ZNF525: variants seen among roughly 807,000 people sequenced by gnomAD.
The protein encoded by ZNF525 is zinc finger protein 525.
Under a neutral mutation model 37.6 loss-of-function variants are expected in ZNF525, and 33 were observed. That is an observed-to-expected ratio of 0.88 (90% CI 0.67 to 1.17). The LOEUF is 1.17. Ranked by LOEUF, ZNF525 falls within the 50% of genes most tolerant of loss-of-function variation. The pLI, the probability that ZNF525 is intolerant of heterozygous loss-of-function variation, is 0.00. For missense variants in ZNF525, 449 were observed against 543.1 expected, an observed-to-expected ratio of 0.83 and a Z score of 1.72; for synonymous variants, 170 against 182.3, an observed-to-expected ratio of 0.93 and a Z score of 0.54.
rs150379067 is a variant in ZNF525, at chr19:53,376,099, C to A, written c.142+203C>A. ...TCGTAGTGGTACAGGTGCATGCCAC[C>A]ATGCCAGGATACTTTTTTAGTTTCT... On this transcript the variant is annotated intron_variant, in intron 3 of 3. Coordinates refer to ENST00000474037, the MANE Select transcript of ZNF525 (RefSeq NM_001348156.2). 1,002 of 1,169,408 alleles carry A rather than the reference C, an allele frequency of 8.6e-4. 4 individuals are homozygous for A. In the African/African-American group the frequency reaches 0.013, roughly 16 times the overall value. 72.4% of individuals were successfully genotyped at this position (1,169,408 alleles called of 1,614,324 possible).
At chr19:53,367,228 T>C (rs1045347134) in intron 1 of ZNF525, among the ~76,000 whole-genome samples, 35 of 152,332 alleles carry the variant, frequency 2.3e-4, no homozygotes, top group African/African-American at 4.6e-4. Context: ...TAACTGTTCT[T>C]GAAGTGAGCT....
chr19:53,367,324 T>C (rs866975667), intron 1 of ZNF525, among the ~76,000 whole-genome samples: 1 of 151,068 alleles, frequency 6.6e-6, no homozygotes, highest in Non-Finnish European at 1.5e-5. Flanking sequence ...TTTTTTTTTT[T>C]AAATTTCTGC....
rs779312372 is a variant in ZNF525, at chr19:53,381,485, A to G, written c.906A>G (p.Glu302=). Residue 302 remains glutamate, a synonymous_variant, in exon 4 of 4, where the codon GAA becomes GAG. Transcript: ENST00000474037. Reference sequence around the variant, plus strand: ...CTGGAGAGAAACCTTACAAATGTGAAGAATGTGACAAAGCTTTCAGACACA... The same window carrying G: ...CTGGAGAGAAACCTTACAAATGTGAGGAATGTGACAAAGCTTTCAGACACA... ...LHTGEKPYKC[E]ECDKAFRHNS... 3 of 1,388,708 alleles carry G rather than the reference A, an allele frequency of 2.2e-6. No individual in the cohort carries two copies. The highest frequency in any genetic ancestry group is 3.1e-6 in the Non-Finnish European group (3 of 974,734). 86.0% of individuals were successfully genotyped at this position (1,388,708 alleles called of 1,614,324 possible). A position where few individuals can be genotyped will look rare whatever the true frequency, so the allele number is the denominator to read the frequency against.
In ZNF525 at chr19:53,381,196, A is replaced by C. The variant is rs773058648; in HGVS notation, c.617A>C (p.Gln206Pro). ...FLNYSLLTQR[Q>P]EVRMREKSFQ... ...AATTATTCATTACTCACACAAAGAC[A>C]GGAAGTACGCATGAGAGAAAAATCT... Residue 206 changes from glutamine to proline, a missense_variant, in exon 4 of 4, where the codon CAG becomes CCG. Gln to Pro is a moderately conservative substitution (Grantham distance 76). This residue lies in a region of ZNF525 where 271 missense variants were observed against 381.6 expected (regional missense o/e 0.71). Transcript: ENST00000474037. 5 of 1,346,772 alleles carry C rather than the reference A, an allele frequency of 3.7e-6. No homozygotes were observed. In the South Asian group the frequency reaches 5.8e-5, roughly 16 times the overall value. The allele number at this position is 1,346,772 out of a possible 1,614,324, so 83.4% of individuals were successfully genotyped here. A position where few individuals can be genotyped will look rare whatever the true frequency, so the allele number is the denominator to read the frequency against.
chr19:53,372,399 T>G, intron 2 of ZNF525, 103 bp downstream of exon 2: 1 of 739,438 alleles, frequency 1.4e-6, no homozygotes, highest in Admixed American at 1.9e-5. Flanking sequence ...CCTGACAGGT[T>G]TGCTCACATT....
chr19:53,376,688 C>G (rs1251402874), intron 3 of ZNF525, among the ~76,000 whole-genome samples: 1 of 152,170 alleles, frequency 6.6e-6, no homozygotes, highest in Non-Finnish European at 1.5e-5. Context: ...TCAAACAATT[C>G]TTGTGCCCCA....
chr19:53,382,032 C>G lies in ZNF525; in HGVS notation c.*13C>G. ...CAGTTTCAAATAAAATCTTGAAATA[C>G]GTCAGAAAATTCATACTGGAGAGAA... On this transcript the variant is annotated 3_prime_UTR_variant, in exon 4 of 4. Transcript: ENST00000474037. 2 of 1,304,012 alleles carry G rather than the reference C, an allele frequency of 1.5e-6. No individual in the cohort carries two copies. The highest frequency in any genetic ancestry group is 2.2e-6 in the Non-Finnish European group (2 of 914,408). 80.8% of individuals were successfully genotyped at this position (1,304,012 alleles called of 1,614,324 possible).
chr19:53,386,056 T>C lies in ZNF525; in HGVS notation c.*4037T>C. On this transcript the variant is annotated 3_prime_UTR_variant, in exon 4 of 4. Transcript: ENST00000474037. ...CTGTAATCCCAGCTACTCAGGAGGCTGAGGCAGGGGAATCTCTTGAACCCA... is the reference window on the plus strand; with the variant it reads ...CTGTAATCCCAGCTACTCAGGAGGCCGAGGCAGGGGAATCTCTTGAACCCA... The C allele has an allele frequency of 6.2e-6, 2 of 323,124 alleles. No homozygotes were observed. Among genetic ancestry groups the C allele is most frequent in the South Asian group, 5.4e-5 (2 of 37,324 alleles). The allele number at this position is 323,124 out of a possible 1,614,324, so 20.0% of individuals were successfully genotyped here. A position where few individuals can be genotyped will look rare whatever the true frequency, so the allele number is the denominator to read the frequency against.
chr19:53,366,197 A>C (rs74178321), intron 1 of ZNF525, among the ~76,000 whole-genome samples: 18,038 of 93,028 alleles, frequency 0.19, 3,227 homozygotes, highest in Non-Finnish European at 0.33. Context: ...CCCTTGTCTT[A>C]AGGCGCCGTC....
At chr19:53,377,249 G>A (rs2085528808) in intron 3 of ZNF525, among the ~76,000 whole-genome samples, 1 of 152,098 alleles carries the variant, frequency 6.6e-6, no homozygotes, top group Non-Finnish European at 1.5e-5. Flanking sequence ...ACAATCTCGG[G>A]TCACTGCAAC....
intron 1 of ZNF525, among the ~76,000 whole-genome samples, chr19:53,367,052 C>T (rs2147061649): frequency 6.6e-6 from 1 of 152,232 alleles, no homozygotes; most frequent in South Asian, 2.1e-4. Flanking sequence ...TATAGCATAG[C>T]ATAACTTGTG....
rs2073878743 is a variant in ZNF525 at position 53,381,131 on chromosome 19, C to T, written c.552C>T (p.Pro184=). 2.1e-6 allele frequency: 3 copies of T among 1,401,264 alleles called. No homozygotes were observed. Among genetic ancestry groups the T allele is most frequent in the South Asian group, 2.3e-5 (2 of 86,520 alleles). 86.8% of individuals were successfully genotyped at this position (1,401,264 alleles called of 1,614,324 possible). Residue 184 remains proline, a synonymous_variant, in exon 4 of 4, where the codon CCC becomes CCT. Coordinates refer to ENST00000474037, the MANE Select transcript of ZNF525 (RefSeq NM_001348156.2). ...CAGCCCAAAGAATTTCTTGTAGGCC[C>T]AAAACCCATATATCTAATAACTATG... The part of the protein sequence containing the change: ...VSTAQRISCR[P]KTHISNNYGD...
chr19:53,372,823 A>G lies in ZNF525; in HGVS notation c.15+527A>G, dbSNP rs1001530035. On this transcript the variant is annotated intron_variant, in intron 2 of 3. Transcript: ENST00000474037. The stretch of plus-strand genomic sequence containing the variant: ...TAGAATGGAAAGTTCATACACAGAC[A>G]TGAATGATACAAGATGTTTGATTCC... 3.9e-5 allele frequency among the ~76,000 whole-genome samples: 6 copies of G among 152,252 alleles called. No individual in the cohort carries two copies. In the East Asian group the frequency reaches 1.2e-3, roughly 29 times the overall value.
rs1393353208 is a variant in ZNF525, at chr19:53,384,431, C to T, written c.*2412C>T. 1 of 156,736 alleles carries T rather than the reference C, an allele frequency of 6.4e-6. No homozygotes were observed. Among genetic ancestry groups the T allele is most frequent in the East Asian group, 1.9e-4 (1 of 5,278 alleles). The allele number at this position is 156,736 out of a possible 1,614,324, so 9.7% of individuals were successfully genotyped here. On this transcript the variant is annotated 3_prime_UTR_variant, in exon 4 of 4. Transcript: ENST00000474037. ...ATTTAACATATTAATTTTTCCAAAC[C>T]ATCAATATGGGTTGTGTCTCTATAT...
intron 3 of ZNF525, among the ~76,000 whole-genome samples, chr19:53,377,105 A>G (rs900603548): frequency 2.0e-5 from 3 of 152,242 alleles, no homozygotes; most frequent in Admixed American, 1.3e-4. Context: ...TTTTCTTCTA[A>G]ATAATAGGAA....
At chr19:53,371,664 T>A (rs918835728) in intron 1 of ZNF525, among the ~76,000 whole-genome samples, 1 of 152,146 alleles carries the variant, frequency 6.6e-6, no homozygotes, top group Non-Finnish European at 1.5e-5. Context: ...CCACTGTGAC[T>A]GGCTCAATTT....
At chr19:53,376,192 C>T in intron 3 of ZNF525, 1 of 738,626 alleles carries the variant, frequency 1.4e-6, no homozygotes, top group Non-Finnish European at 2.4e-6. Context: ...AAGACATCCT[C>T]CTCGGCCTCC....
chr19:53,382,206 A>G lies in ZNF525; in HGVS notation c.*187A>G. On this transcript the variant is annotated 3_prime_UTR_variant, in exon 4 of 4. Transcript: ENST00000474037. The stretch of plus-strand genomic sequence containing the variant: ...CAAATCAAACCTTGAAAGACATAGG[A>G]GAATTCACACTGGTGAGAAACCTTA... The G allele has an allele frequency of 1.3e-6, 2 of 1,587,600 alleles. No homozygotes were observed. The highest frequency in any genetic ancestry group is 1.1e-5 in the South Asian group (1 of 90,518).
Position 53,382,670 on chromosome 19 carries a change from G to A in ZNF525, c.*651G>A, listed in dbSNP as rs116862468. The A allele has an allele frequency of 1.4e-5, 10 of 725,818 alleles. No individual in the cohort carries two copies. Among genetic ancestry groups the A allele is most frequent in the East Asian group, 1.1e-4 (4 of 36,188 alleles). 45.0% of individuals were successfully genotyped at this position (725,818 alleles called of 1,614,324 possible). On this transcript the variant is annotated 3_prime_UTR_variant, in exon 4 of 4. Coordinates refer to ENST00000474037, the MANE Select transcript of ZNF525 (RefSeq NM_001348156.2). The stretch of plus-strand genomic sequence containing the variant: ...TTACAAATGTAATGATTGTCACCAC[G>A]TCTTCAGTAATGCTACAACTATTGC...
Sources: gnomAD v4.1 joint callset for allele counts (sites outside exome capture counted in the v4.1 genomes callset) on GRCh38, gnomAD v4.1.1 for gene constraint, gnomAD v4.1.1 regional missense constraint, MANE v1.5 for transcripts, NCBI Gene and HGNC (gene_info 2026-07-23, HGNC 2026-07-21) for gene names.